PKD2L2: variants seen among roughly 807,000 people sequenced by gnomAD.
PKD2L2 encodes polycystin 2 like 2, transient receptor potential cation channel.
In PKD2L2, 67 loss-of-function variants were observed where a neutral mutation model predicts 83.9. That is an observed-to-expected ratio of 0.80 (90% confidence interval 0.66 to 0.98). The LOEUF is 0.98. Among genes scored for constraint, PKD2L2 ranks in the 50% least tolerant of loss-of-function variants. The probability of loss-of-function intolerance (pLI) is 0.00; values close to 1 mark genes in which losing one functional copy is unlikely to be tolerated. For missense variants in PKD2L2, 632 were observed against 717.2 expected (o/e 0.88, Z 1.36); for synonymous variants, 223 against 237.8 (o/e 0.94, Z 0.57).
At chr5:137,900,643 T>A (rs1192551616) in intron 5 of PKD2L2, among the ~76,000 whole-genome samples, 1 of 152,152 alleles carries the variant, frequency 6.6e-6, no homozygotes, top group Non-Finnish European at 1.5e-5. Flanking sequence ...ACCTTGCCCT[T>A]TTTGCAAAAT....
chr5:137,940,141 A>C (rs1373079387), intron 14 of PKD2L2: 3 of 1,614,038 alleles, frequency 1.9e-6, no homozygotes, highest in Non-Finnish European at 2.5e-6. Context: ...TGACAAAACG[A>C]ATTTAAGTAC....
intron 5 of PKD2L2, among the ~76,000 whole-genome samples, chr5:137,902,075 C>T (rs950269904): frequency 1.3e-5 from 2 of 151,536 alleles, no homozygotes; most frequent in African/African-American, 4.9e-5. Context: ...GGACACCACA[C>T]CAGAGGAATT....
chr5:137,903,882 G>T (rs1253408624), intron 5 of PKD2L2, among the ~76,000 whole-genome samples: 2 of 152,040 alleles, frequency 1.3e-5, no homozygotes, highest in African/African-American at 4.8e-5. Flanking sequence ...TCAACCTCCT[G>T]AGTATCTGGG....
At chr5:137,939,223 G>A (rs1760972384) in intron 14 of PKD2L2, 1 of 151,404 alleles carries the variant, frequency 6.6e-6, no homozygotes, top group Non-Finnish European at 1.5e-5. Context: ...TAAAATAGGA[G>A]GGGAAAAAAA....
Position 137,894,427 on chromosome 5 carries a change from G to A in PKD2L2, c.342G>A (p.Lys114=). The A allele has an allele frequency of 6.2e-7, 1 of 1,612,990 alleles. No homozygotes were observed. The highest frequency in any genetic ancestry group is 1.1e-5 in the South Asian group (1 of 91,074). ...WYNNQQLYNL[K]NSSRIYYENI... Reference sequence around the variant, plus strand: ...ATAACCAGCAGCTGTATAATTTAAAGAACAGCAGTCGCATCTACTATGAAA... The same window carrying A: ...ATAACCAGCAGCTGTATAATTTAAAAAACAGCAGTCGCATCTACTATGAAA... Residue 114 remains lysine (K), a synonymous_variant, in exon 4 of 15, where the codon AAG becomes AAA. Transcript: ENST00000508883.
At chr5:137,901,228 A>C (rs887327884) in intron 5 of PKD2L2, among the ~76,000 whole-genome samples, 8 of 152,216 alleles carry the variant, frequency 5.3e-5, no homozygotes, top group African/African-American at 1.9e-4. Flanking sequence ...ATTTAATGCC[A>C]GCAAAGATTG....
chr5:137,916,937 T>C (rs1025282814), intron 8 of PKD2L2, among the ~76,000 whole-genome samples: 24 of 152,188 alleles, frequency 1.6e-4, no homozygotes, highest in African/African-American at 5.8e-4. Context: ...TTGACTATAA[T>C]GTGTTTTGGT....
At chr5:137,925,994 G>A (rs1580980098) in intron 12 of PKD2L2, 65 bp downstream of exon 12, 3 of 827,000 alleles carry the variant, frequency 3.6e-6, no homozygotes, top group East Asian at 5.1e-5. Flanking sequence ...TCACAAAAAC[G>A]CTCTGGTTAA....
chr5:137,904,649 AAAC>A (rs1757223225), intron 5 of PKD2L2, among the ~76,000 whole-genome samples: 1 of 152,196 alleles, frequency 6.6e-6, no homozygotes, highest in African/African-American at 2.4e-5. Context: ...GTTCAGAAAA[AAAC>A]TGTCAGGAAG....
intron 3 of PKD2L2, among the ~76,000 whole-genome samples, chr5:137,893,666 A>G (rs1396748206): frequency 3.3e-5 from 5 of 152,214 alleles, no homozygotes. Flanking sequence ...CAAATTATGA[A>G]TTGGACAGAG....
intron 14 of PKD2L2, 102 bp downstream of exon 14, chr5:137,936,529 C>T: frequency 1.2e-6 from 1 of 859,350 alleles, no homozygotes; most frequent in Non-Finnish European, 1.7e-6. Flanking sequence ...GGTCTCGGCT[C>T]ACTGCAAACT....
chr5:137,889,628 C>G (rs1364099389), intron 1 of PKD2L2, 106 bp downstream of exon 1: 1 of 972,732 alleles, frequency 1.0e-6, no homozygotes, highest in Non-Finnish European at 1.5e-6. Context: ...ATGTGACTGC[C>G]GACACCTTTA....
intron 6 of PKD2L2, among the ~76,000 whole-genome samples, chr5:137,907,460 C>G (rs192432646): frequency 2.7e-4 from 41 of 152,244 alleles, no homozygotes; most frequent in African/African-American, 8.7e-4. Context: ...CTCAGAGTTA[C>G]ATAATCATTT....
intron 11 of PKD2L2, among the ~76,000 whole-genome samples, chr5:137,925,510 G>C (rs1199610039): frequency 1.3e-5 from 2 of 152,102 alleles, no homozygotes. Context: ...CCTCTAAAAA[G>C]GTTAGAAACA....
Position 137,894,374 on chromosome 5 carries a change from G to C in PKD2L2, c.289G>C (p.Glu97Gln), listed in dbSNP as rs781514489. ...FWKFMEGPLL[E>Q]GLYWDSWYNN... The stretch of plus-strand genomic sequence containing the variant: ...GGAGTTTATGGAAGGACCCCTTTTG[G>C]AAGGTCTGTACTGGGATTCATGGTA... The change falls in exon 4 of 15, where the codon GAA becomes CAA. Residue 97 changes from glutamate (E) to glutamine (Q), a missense_variant. Physicochemically the swap from Glu to Gln is conservative, Grantham distance 29. Transcript: ENST00000508883. The C allele has an allele frequency of 3.1e-6, 5 of 1,605,580 alleles. No individual in the cohort carries two copies. In the Admixed American group the frequency reaches 6.8e-5, roughly 22 times the overall value.
chr5:137,910,030 C>G (rs1757684176), intron 8 of PKD2L2, among the ~76,000 whole-genome samples: 1 of 151,884 alleles, frequency 6.6e-6, no homozygotes, highest in African/African-American at 2.4e-5. Context: ...CAAGACCAAC[C>G]TGGGCAACAT....
chr5:137,928,078 C>T (rs1235649673), intron 12 of PKD2L2, among the ~76,000 whole-genome samples: 1 of 152,144 alleles, frequency 6.6e-6, no homozygotes, highest in Non-Finnish European at 1.5e-5. Context: ...TAACAACATT[C>T]AACCATAAAT....
intron 5 of PKD2L2, among the ~76,000 whole-genome samples, chr5:137,904,001 C>T (rs1757167719): frequency 6.6e-6 from 1 of 152,182 alleles, no homozygotes; most frequent in Admixed American, 6.5e-5. Context: ...GGCGATCCAC[C>T]CGCCTTGGCC....
At chr5:137,941,874 T>C in intron 14 of PKD2L2, 3 of 1,283,820 alleles carry the variant, frequency 2.3e-6, no homozygotes, top group Non-Finnish European at 3.4e-6. Context: ...ACGTATTCCA[T>C]TATTTCAACA....
Sources: allele counts gnomAD v4.1 joint callset (sites outside exome capture counted in the v4.1 genomes callset), GRCh38; gene constraint gnomAD v4.1.1; transcripts MANE v1.5; gene names NCBI Gene and HGNC (gene_info 2026-07-23, HGNC 2026-07-21).